The following ZNF804B variants were observed in gnomAD, a reference collection of about 807,000 sequenced individuals.
The protein encoded by ZNF804B is zinc finger 804B.
Under a neutral mutation model 101.4 loss-of-function variants are expected in ZNF804B, and 80 were observed. The ratio of observed to expected loss-of-function variants is 0.79; its 90% CI spans 0.66 to 0.95. The LOEUF is 0.95. ZNF804B is among the 40% of genes least tolerant of loss of function. The probability of loss-of-function intolerance (pLI) is 0.00; values close to 1 mark genes in which losing one functional copy is unlikely to be tolerated. For synonymous variants in ZNF804B, 622 were observed against 558.8 expected (o/e 1.11, Z -1.59); for missense variants, 1,673 against 1,561.9 (o/e 1.07, Z -1.20).
At chr7:89,171,792 T>C (rs1241393179) in intron 1 of ZNF804B, among the ~76,000 whole-genome samples, 1 of 152,060 alleles carries the variant, frequency 6.6e-6, no homozygotes, top group Non-Finnish European at 1.5e-5. Context: ...TTGTTCAAAT[T>C]CCAATAGCTA....
intron 1 of ZNF804B, among the ~76,000 whole-genome samples, chr7:89,188,263 A>G (rs1482146002): frequency 6.6e-6 from 1 of 151,968 alleles, no homozygotes; most frequent in Admixed American, 6.6e-5. Flanking sequence ...TTTGATGTTT[A>G]TATTGTAATT....
intron 1 of ZNF804B, among the ~76,000 whole-genome samples, chr7:88,895,023 C>G (rs1204335062): frequency 6.6e-6 from 1 of 152,030 alleles, no homozygotes; most frequent in Admixed American, 6.6e-5. Context: ...TAATAAAGTG[C>G]AAAATGACAA....
intron 1 of ZNF804B, among the ~76,000 whole-genome samples, chr7:88,850,557 A>G (rs991577652): frequency 4.6e-5 from 7 of 152,148 alleles, no homozygotes; most frequent in Non-Finnish European, 8.8e-5. Context: ...TGTAATTTAC[A>G]GGGGACAGTT....
chr7:89,050,753 G>A (rs539119465), intron 1 of ZNF804B, among the ~76,000 whole-genome samples: 28 of 151,868 alleles, frequency 1.8e-4, no homozygotes, highest in African/African-American at 6.5e-4. Context: ...TATCAAAACC[G>A]GCTCATTATA....
At chr7:89,181,079 C>T (rs985494424) in intron 1 of ZNF804B, among the ~76,000 whole-genome samples, 2 of 151,586 alleles carry the variant, frequency 1.3e-5, no homozygotes, top group African/African-American at 2.4e-5. Flanking sequence ...AGGTAATGTC[C>T]TCCTTATTCT....
At chr7:89,250,057 G>A (rs1789515656) in intron 2 of ZNF804B, among the ~76,000 whole-genome samples, 1 of 151,928 alleles carries the variant, frequency 6.6e-6, no homozygotes. Flanking sequence ...GTGTGTTGGC[G>A]GGTGCCTGTA....
chr7:88,794,433 G>A (rs750972928), intron 1 of ZNF804B: 54 of 1,613,752 alleles, frequency 3.3e-5, no homozygotes, highest in Non-Finnish European at 4.6e-5. Flanking sequence ...AATCTGTGAT[G>A]ACCTCCTTTA....
chr7:89,116,092 T>G (rs1446655192), intron 1 of ZNF804B, among the ~76,000 whole-genome samples: 1 of 151,670 alleles, frequency 6.6e-6, no homozygotes, highest in Non-Finnish European at 1.5e-5. Context: ...TTTTGTATTT[T>G]TAGTAAAAAC....
At chr7:89,314,701 G>A (rs1008597574) in intron 2 of ZNF804B, among the ~76,000 whole-genome samples, 1 of 152,198 alleles carries the variant, frequency 6.6e-6, no homozygotes, top group African/African-American at 2.4e-5. Context: ...AGAGAAAACT[G>A]AGTAACTTTG....
intron 2 of ZNF804B, 29 bp downstream of exon 2, chr7:89,218,324 A>G (rs1186413343): frequency 1.2e-6 from 2 of 1,612,248 alleles, no homozygotes; most frequent in Non-Finnish European, 1.7e-6. Flanking sequence ...AGTCCTTCAT[A>G]TTCCTGTATT....
chr7:89,163,381 C>T (rs553215145), intron 1 of ZNF804B, among the ~76,000 whole-genome samples: 65 of 152,098 alleles, frequency 4.3e-4, no homozygotes, highest in Non-Finnish European at 7.1e-4. Context: ...AACCTTGTTT[C>T]TGTTATTCCT....
intron 2 of ZNF804B, among the ~76,000 whole-genome samples, chr7:89,240,494 A>G (rs902413014): frequency 6.6e-6 from 1 of 152,010 alleles, no homozygotes; most frequent in Admixed American, 6.6e-5. Context: ...AAAAATCATT[A>G]CATAGTTGTC....
intron 1 of ZNF804B, among the ~76,000 whole-genome samples, chr7:88,875,629 A>G (rs1460842588): frequency 1.3e-5 from 2 of 152,038 alleles, no homozygotes; most frequent in Non-Finnish European, 2.9e-5. Flanking sequence ...GAATCTCTGA[A>G]TAGACCAATA....
At chr7:88,955,196 A>G (rs1793287080) in intron 1 of ZNF804B, among the ~76,000 whole-genome samples, 1 of 151,482 alleles carries the variant, frequency 6.6e-6, no homozygotes, top group Admixed American at 6.6e-5. Flanking sequence ...GATGCAATAT[A>G]TTTTCCATGA....
At chr7:88,973,799 C>A (rs1793571689) in intron 1 of ZNF804B, among the ~76,000 whole-genome samples, 1 of 151,262 alleles carries the variant, frequency 6.6e-6, no homozygotes, top group Non-Finnish European at 1.5e-5. Context: ...GGAAAAGAAA[C>A]AGGAATATAA....
intron 1 of ZNF804B, among the ~76,000 whole-genome samples, chr7:88,866,523 G>A (rs1482798111): frequency 6.6e-5 from 10 of 152,124 alleles, no homozygotes; most frequent in African/African-American, 1.7e-4. Flanking sequence ...TAATCTAGTC[G>A]TGTGAAGAGA....
chr7:89,333,865 AC>A lies in ZNF804B; in HGVS notation c.885del (p.Ile296SerfsTer3). On this transcript the variant is annotated frameshift_variant, in exon 4 of 4. Transcript: ENST00000333190. LOFTEE classifies it high-confidence loss of function. ...CCATCTGGAAAGTGTTTTACACAAT[AC>A]CATCTCCATAAACTCTAAAATTTTG... is the stretch of plus-strand genomic sequence containing the variant. ...PSHLESVLHNTISINSKILQD... is the reference protein window; with the variant it reads ...PSHLESVLHNXISINSKILQD... 6.2e-7 allele frequency: 1 copy of A among 1,613,270 alleles called. No homozygotes were observed.
At chr7:88,862,775 C>T (rs1344015092) in intron 1 of ZNF804B, among the ~76,000 whole-genome samples, 2 of 151,998 alleles carry the variant, frequency 1.3e-5, no homozygotes, top group East Asian at 1.9e-4. Flanking sequence ...TTTGATTCAT[C>T]GATGTTTACG....
At chr7:89,326,498 A>G (rs564935231) in intron 2 of ZNF804B, among the ~76,000 whole-genome samples, 2 of 152,190 alleles carry the variant, frequency 1.3e-5, no homozygotes, top group South Asian at 4.1e-4. Flanking sequence ...ATTTCAACAG[A>G]TACAGATTTT....
Sources: gnomAD v4.1 joint callset for allele counts (sites outside exome capture counted in the v4.1 genomes callset) on GRCh38, gnomAD v4.1.1 for gene constraint, MANE v1.5 for transcripts, NCBI Gene and HGNC (gene_info 2026-07-23, HGNC 2026-07-21) for gene names.